Variants in SFMBT2 observed in about 807,000 individuals in gnomAD.
SFMBT2 encodes Scm like with four mbt domains 2, also known as scm-like with four MBT domains protein 2.
In SFMBT2, 38 loss-of-function variants were observed where a neutral mutation model predicts 110.1. The observed-to-expected ratio is 0.35, with a 90% CI of 0.27 to 0.45. The LOEUF (loss-of-function observed/expected upper bound fraction) is 0.45. SFMBT2 is among the 20% of genes least tolerant of loss of function. SFMBT2 has a pLI of 1.00. For synonymous variants in SFMBT2, 425 were observed against 425.4 expected, an observed-to-expected ratio of 1.00 and a Z score of 0.01; for missense variants, 1,011 against 1,094.9, an observed-to-expected ratio of 0.92 and a Z score of 1.08.
At chr10:7,372,404 G>A (rs1845087285) in intron 2 of SFMBT2, among the ~76,000 whole-genome samples, 2 of 152,168 alleles carry the variant, frequency 1.3e-5, no homozygotes, top group Non-Finnish European at 2.9e-5. Flanking sequence ...CTTCAATAAA[G>A]TGACTTACAG....
chr10:7,345,709 G>C (rs1412657004), intron 4 of SFMBT2, among the ~76,000 whole-genome samples: 1 of 152,178 alleles, frequency 6.6e-6, no homozygotes, highest in Non-Finnish European at 1.5e-5. Context: ...AACTACAGAA[G>C]AGTTGGAGTA....
At chr10:7,341,481 G>T (rs915971766) in intron 4 of SFMBT2, among the ~76,000 whole-genome samples, 1 of 152,130 alleles carries the variant, frequency 6.6e-6, no homozygotes, top group African/African-American at 2.4e-5. Context: ...GAGGAAGAGG[G>T]GTGCTGATCT....
intron 9 of SFMBT2, among the ~76,000 whole-genome samples, chr10:7,232,590 CAT>C (rs1465810193): frequency 1.3e-5 from 2 of 152,094 alleles, no homozygotes; most frequent in South Asian, 4.1e-4. Context: ...CTGCTATAAA[CAT>C]ATACAGAATT....
intron 4 of SFMBT2, among the ~76,000 whole-genome samples, chr10:7,335,379 G>C (rs1215520533): frequency 6.6e-6 from 1 of 152,006 alleles, no homozygotes; most frequent in African/African-American, 2.4e-5. Flanking sequence ...ACTATCTTAG[G>C]AGGCATCAAA....
chr10:7,201,844 C>T (rs1838967756), intron 13 of SFMBT2, among the ~76,000 whole-genome samples: 2 of 152,242 alleles, frequency 1.3e-5, no homozygotes, highest in African/African-American at 4.8e-5. Flanking sequence ...GGGGGACACC[C>T]TGTTTCCACA....
chr10:7,330,647 GTCTC>G (rs928886861), intron 4 of SFMBT2, among the ~76,000 whole-genome samples: 3 of 152,094 alleles, frequency 2.0e-5, no homozygotes, highest in Non-Finnish European at 2.9e-5. Flanking sequence ...CCAGCTCCCT[GTCTC>G]TCTCTTTCTT....
chr10:7,245,678 A>C (rs1323864138), intron 8 of SFMBT2, among the ~76,000 whole-genome samples: 3 of 152,170 alleles, frequency 2.0e-5, no homozygotes, highest in African/African-American at 7.2e-5. Context: ...CCTTTCCTCT[A>C]ATCAATACAA....
Position 7,359,341 on chromosome 10 carries a change from A to C in SFMBT2, c.436+8308T>G, listed in dbSNP as rs549317767. Reference sequence around the variant, plus strand: ...GCAGGCCAGGGCCAGGATCCTTACAAGGGGAGGTGGGGCACCAAGGGAGGG... The same window carrying C: ...GCAGGCCAGGGCCAGGATCCTTACACGGGGAGGTGGGGCACCAAGGGAGGG... On this transcript the variant is annotated intron_variant, in intron 4 of 20. Transcript: ENST00000397167. Among the ~76,000 whole-genome samples, 20 of 152,298 alleles carry C rather than the reference A, an allele frequency of 1.3e-4. No homozygotes were observed. In the South Asian group the frequency reaches 1.4e-3, roughly 11 times the overall value.
At chr10:7,277,547 A>G (rs1841821423) in intron 6 of SFMBT2, 1 of 187,330 alleles carries the variant, frequency 5.3e-6, no homozygotes, top group South Asian at 1.8e-4. Flanking sequence ...GTTGCTTAAC[A>G]CACCACATGT....
Position 7,215,531 on chromosome 10 carries a change from G to T in SFMBT2, c.1330+4880C>A, listed in dbSNP as rs553121072. The T allele has an allele frequency of 8.1e-6, 8 of 985,118 alleles. 1 individual carries two copies. In the African/African-American group the frequency reaches 1.2e-4, roughly 15 times the overall value. The allele number at this position is 985,118 out of a possible 1,614,324, so 61.0% of individuals were successfully genotyped here. A position where few individuals can be genotyped will look rare whatever the true frequency, so the allele number is the denominator to read the frequency against. On this transcript the variant is annotated intron_variant, in intron 11 of 20. Transcript: ENST00000397167. ...GGCAGGGGTTGTTTTATCCAACACT[G>T]TACATGGGGGCTCCAGGGCACTGCT...
chr10:7,294,298 A>G (rs768372186), intron 4 of SFMBT2, among the ~76,000 whole-genome samples: 1 of 152,208 alleles, frequency 6.6e-6, no homozygotes, highest in Non-Finnish European at 1.5e-5. Flanking sequence ...CCCTTGGTCC[A>G]TGTACATCTC....
At chr10:7,204,632 G>T in intron 12 of SFMBT2, 1 of 414,138 alleles carries the variant, frequency 2.4e-6, no homozygotes, top group Non-Finnish European at 3.2e-6. Flanking sequence ...CCAGCACTTT[G>T]GGAGGCCAAG....
At chr10:7,255,193 G>C (rs985770356) in intron 7 of SFMBT2, among the ~76,000 whole-genome samples, 1 of 152,188 alleles carries the variant, frequency 6.6e-6, no homozygotes, top group African/African-American at 2.4e-5. Context: ...CAATGTCAAG[G>C]ACAGAGAGAG....
intron 11 of SFMBT2, among the ~76,000 whole-genome samples, chr10:7,213,519 C>T (rs1839425400): frequency 2.0e-5 from 3 of 152,166 alleles, no homozygotes; most frequent in Admixed American, 2.0e-4. Flanking sequence ...TTTGAGGATG[C>T]CGTGGCTTCC....
At position 7,220,451 on chromosome 10, in the gene SFMBT2, A is replaced by C. The variant is rs781737244; in HGVS notation, c.1290T>G (p.Val430=). ...ACATTAGCCGCCCCTTCACACTCAC[A>C]ACGGAGGCCACACACAGTTCTCCTG... The part of the protein sequence containing the change: ...RNPGELCVAS[V]VSVKGRLMWL... The change falls in exon 11 of 21, where the codon GTT becomes GTG. Residue 430 remains valine (V), a synonymous_variant. Coordinates refer to ENST00000397167, the MANE Select transcript of SFMBT2 (RefSeq NM_001387889.1). 8.1e-6 allele frequency: 13 copies of C among 1,613,860 alleles called. No individual in the cohort carries two copies. In the African/African-American group the frequency reaches 1.1e-4, roughly 13 times the overall value.
intron 9 of SFMBT2, among the ~76,000 whole-genome samples, chr10:7,233,649 T>C (rs1357297196): frequency 1.3e-5 from 2 of 152,254 alleles, no homozygotes; most frequent in Non-Finnish European, 2.9e-5. Flanking sequence ...GAACAGGTTC[T>C]CAGTCCTTTC....
chr10:7,195,558 A>C (rs1292462365), intron 15 of SFMBT2, among the ~76,000 whole-genome samples: 2 of 152,236 alleles, frequency 1.3e-5, no homozygotes, highest in Non-Finnish European at 2.9e-5. Flanking sequence ...CCAGGCCTGC[A>C]ACAGACTCTA....
intron 13 of SFMBT2, chr10:7,200,777 A>G (rs1166018141): frequency 6.4e-6 from 1 of 155,882 alleles, no homozygotes; most frequent in African/African-American, 2.4e-5. Context: ...ATCTCTTGCT[A>G]TGGAATTGTA....
chr10:7,192,059 T>A (rs533039892), intron 15 of SFMBT2, among the ~76,000 whole-genome samples: 3 of 151,470 alleles, frequency 2.0e-5, no homozygotes, highest in Non-Finnish European at 4.4e-5. Context: ...AAAAAAAAAA[T>A]GTGCACTTTT....
Sources: gnomAD v4.1 joint callset for allele counts (sites outside exome capture counted in the v4.1 genomes callset) on GRCh38, gnomAD v4.1.1 for gene constraint, MANE v1.5 for transcripts, NCBI Gene and HGNC (gene_info 2026-07-23, HGNC 2026-07-21) for gene names.